Variants in GRIK2 observed in about 807,000 individuals in gnomAD.
GRIK2 encodes glutamate receptor ionotropic, kainate 2.
In GRIK2, 32 loss-of-function variants were observed where a neutral mutation model predicts 100.3. That is an observed-to-expected ratio of 0.32 (90% CI 0.24 to 0.43). The LOEUF (loss-of-function observed/expected upper bound fraction) is 0.43, where lower values mean the gene tolerates loss of function less well. GRIK2 is among the 20% of genes least tolerant of loss of function. The probability of loss-of-function intolerance (pLI) is 1.00; values close to 1 mark genes in which losing one functional copy is unlikely to be tolerated. For synonymous variants in GRIK2, 417 were observed against 389.4 expected (o/e 1.07, Z -0.83); for missense variants, 843 against 1,114.9 (o/e 0.76, Z 3.47).
At chr6:101,509,973 CTTGT>C (rs1302172879) in intron 2 of GRIK2, among the ~76,000 whole-genome samples, 1 of 152,004 alleles carries the variant, frequency 6.6e-6, no homozygotes, top group Non-Finnish European at 1.5e-5. Context: ...TTTTTTGCTA[CTTGT>C]TTAAGAAATA....
intron 2 of GRIK2, among the ~76,000 whole-genome samples, chr6:101,563,997 C>G (rs916674328): frequency 6.6e-6 from 1 of 152,120 alleles, no homozygotes; most frequent in Non-Finnish European, 1.5e-5. Context: ...ATGAATATTA[C>G]AGTAAACTAC....
At chr6:101,865,887 T>C (rs1785021735) in intron 11 of GRIK2, among the ~76,000 whole-genome samples, 1 of 133,198 alleles carries the variant, frequency 7.5e-6, no homozygotes, top group African/African-American at 2.9e-5. Flanking sequence ...AGACCCCGTC[T>C]CAAAAAAAAA....
chr6:101,574,876 AAT>A (rs1309523749), intron 2 of GRIK2, among the ~76,000 whole-genome samples: 1 of 151,814 alleles, frequency 6.6e-6, no homozygotes, highest in Non-Finnish European at 1.5e-5. Flanking sequence ...AATTTAGAAT[AAT>A]ATATTTAATA....
chr6:102,037,469 T>C (rs999891275), intron 15 of GRIK2, among the ~76,000 whole-genome samples: 6 of 151,362 alleles, frequency 4.0e-5, no homozygotes, highest in African/African-American at 1.5e-4. Context: ...TTACATGTTT[T>C]AGACTTCCCA....
chr6:101,899,129 C>T (rs1787677638), intron 12 of GRIK2, among the ~76,000 whole-genome samples: 1 of 146,328 alleles, frequency 6.8e-6, no homozygotes. Flanking sequence ...GAAAAAATAT[C>T]GTGGCTGTCC....
chr6:101,874,989 A>C (rs1785719266), intron 11 of GRIK2, among the ~76,000 whole-genome samples: 1 of 151,958 alleles, frequency 6.6e-6, no homozygotes, highest in Non-Finnish European at 1.5e-5. Context: ...AGCTTAAGGA[A>C]ATTTTGGGCT....
chr6:101,556,390 A>G (rs1487477415), intron 2 of GRIK2, among the ~76,000 whole-genome samples: 1 of 117,414 alleles, frequency 8.5e-6, no homozygotes, highest in Non-Finnish European at 1.7e-5. Context: ...GCTGGAGTGC[A>G]GTGGCGCGAT....
At chr6:101,979,083 C>G (rs760483233) in intron 14 of GRIK2, among the ~76,000 whole-genome samples, 16 of 151,894 alleles carry the variant, frequency 1.1e-4, no homozygotes, top group Non-Finnish European at 1.8e-4. Flanking sequence ...AAAAAACAAA[C>G]AGGAACAAGC....
intron 14 of GRIK2, among the ~76,000 whole-genome samples, chr6:101,988,410 A>G (rs968342530): frequency 6.6e-6 from 1 of 151,810 alleles, no homozygotes; most frequent in Non-Finnish European, 1.5e-5. Context: ...TATCTCAGGC[A>G]GTCTGAGGTT....
At chr6:101,838,654 C>CTT (rs3055065) in intron 10 of GRIK2, among the ~76,000 whole-genome samples, 21,697 of 143,776 alleles carry the variant, frequency 0.15, 2,945 homozygotes, top group East Asian at 0.66. Context: ...ATTAATACAA[C>CTT]TTTTTTTTTT....
chr6:101,774,865 T>G (rs1206999940), intron 7 of GRIK2, among the ~76,000 whole-genome samples: 2 of 151,846 alleles, frequency 1.3e-5, no homozygotes, highest in Non-Finnish European at 2.9e-5. Context: ...GATATATATA[T>G]CAGAAAGAAA....
At chr6:101,496,945 G>A (rs1039999703) in intron 2 of GRIK2, among the ~76,000 whole-genome samples, 1 of 152,046 alleles carries the variant, frequency 6.6e-6, no homozygotes, top group Admixed American at 6.6e-5. Context: ...TGGTAAAAGG[G>A]GCTAAGTAGG....
intron 12 of GRIK2, among the ~76,000 whole-genome samples, chr6:101,897,377 T>G (rs1787539995): frequency 6.6e-6 from 1 of 151,804 alleles, no homozygotes; most frequent in Non-Finnish European, 1.5e-5. Context: ...ATAGCAACAT[T>G]TTTTCATAGC....
intron 2 of GRIK2, among the ~76,000 whole-genome samples, chr6:101,523,795 C>A (rs112659920): frequency 0.014 from 1,994 of 146,994 alleles, 43 homozygotes; most frequent in African/African-American, 0.047. Context: ...TCTGGGCTCA[C>A]TGCAACCTCC....
At chr6:101,986,500 A>C (rs576278831) in intron 14 of GRIK2, among the ~76,000 whole-genome samples, 1 of 151,980 alleles carries the variant, frequency 6.6e-6, no homozygotes, top group South Asian at 2.1e-4. Context: ...TTTTAATTGC[A>C]TTAGCTTTGA....
At chr6:101,791,532 T>G (rs1172347587) in intron 7 of GRIK2, among the ~76,000 whole-genome samples, 3 of 152,228 alleles carry the variant, frequency 2.0e-5, no homozygotes, top group African/African-American at 2.4e-5. Context: ...GTGAGTTTCT[T>G]AATCCTGAGT....
chr6:101,663,201 T>C (rs1333301622), intron 4 of GRIK2, among the ~76,000 whole-genome samples: 1 of 152,132 alleles, frequency 6.6e-6, no homozygotes. Context: ...AACAGCAGCA[T>C]CCTGGGACAT....
At chr6:101,483,862 G>GC (rs1412230310) in intron 2 of GRIK2, among the ~76,000 whole-genome samples, 6 of 152,206 alleles carry the variant, frequency 3.9e-5, no homozygotes, top group Admixed American at 1.3e-4. Context: ...GAGCCACCAT[G>GC]CCCGGACCCT....
At chr6:101,570,480 C>T (rs1384463565) in intron 2 of GRIK2, among the ~76,000 whole-genome samples, 1 of 152,064 alleles carries the variant, frequency 6.6e-6, no homozygotes, top group Non-Finnish European at 1.5e-5. Flanking sequence ...CCAGCCTCCC[C>T]CTTCTCCCCC....
Sources: gnomAD v4.1 joint callset for allele counts (sites outside exome capture counted in the v4.1 genomes callset) on GRCh38, gnomAD v4.1.1 for gene constraint, MANE v1.5 for transcripts, NCBI Gene and HGNC (gene_info 2026-07-23, HGNC 2026-07-21) for gene names.